The following HNF1B variants were observed in gnomAD, a reference collection of about 807,000 sequenced individuals.
HNF1B encodes HNF1 homeobox B.
In HNF1B, 8 loss-of-function variants were observed where a neutral mutation model predicts 61.7. The ratio of observed to expected loss-of-function variants is 0.13; its 90% confidence interval spans 0.08 to 0.23. HNF1B has a LOEUF of 0.23. Ranked by LOEUF, HNF1B falls within the 10% of genes least tolerant of loss-of-function variation. The probability of loss-of-function intolerance (pLI) is 1.00; values close to 1 mark genes in which losing one functional copy is unlikely to be tolerated. For synonymous variants in HNF1B, 314 were observed against 287.7 expected (o/e 1.09, Z -0.93); for missense variants, 562 against 714.5 (o/e 0.79, Z 2.43).
At chr17:37,741,301 TAA>T (rs1228711973) in intron 1 of HNF1B, among the ~76,000 whole-genome samples, 2 of 152,230 alleles carry the variant, frequency 1.3e-5, no homozygotes, top group East Asian at 1.9e-4. Flanking sequence ...ATTATTTTAT[TAA>T]GACTTTGATA....
chr17:37,716,252 C>T (rs1201845428), intron 4 of HNF1B, among the ~76,000 whole-genome samples: 2 of 152,172 alleles, frequency 1.3e-5, no homozygotes, highest in Non-Finnish European at 2.9e-5. Context: ...GTCTGGAGTA[C>T]AGTGGCGTAA....
Position 37,707,686 on chromosome 17 carries a change from G to A in HNF1B, c.1207-2637C>T, listed in dbSNP as rs114384800. On this transcript the variant is annotated intron_variant, in intron 5 of 8. Coordinates refer to ENST00000617811, the MANE Select transcript of HNF1B (RefSeq NM_000458.4). ...TGGGGTTGAAAGCAGGCTATCTACC[G>A]CCACAGCCTGAGCTTTTCACCATTA... 3.9e-3 allele frequency among the ~76,000 whole-genome samples: 599 copies of A among 152,162 alleles called. 3 individuals are homozygous for A. The highest frequency in any genetic ancestry group is 0.014 in the African/African-American group (569 of 41,524).
At chr17:37,718,131 AT>A (rs532309763) in intron 4 of HNF1B, among the ~76,000 whole-genome samples, 84 of 152,308 alleles carry the variant, frequency 5.5e-4, no homozygotes, top group African/African-American at 1.8e-3. Flanking sequence ...TAAAAAAAAA[AT>A]CAAAGCAAAT....
chr17:37,730,417 G>A (rs138959872), intron 4 of HNF1B: 2 of 152,528 alleles, frequency 1.3e-5, no homozygotes, highest in Non-Finnish European at 2.9e-5. Context: ...CTCTGTGGGA[G>A]TGGGACCTAC....
At chr17:37,704,092 C>T (rs2032660010) in intron 6 of HNF1B, among the ~76,000 whole-genome samples, 1 of 152,210 alleles carries the variant, frequency 6.6e-6, no homozygotes, top group Non-Finnish European at 1.5e-5. Context: ...TTTTGAGAAA[C>T]AACGACACCT....
At chr17:37,738,435 A>G (rs1361541363) in intron 2 of HNF1B, among the ~76,000 whole-genome samples, 1 of 152,244 alleles carries the variant, frequency 6.6e-6, no homozygotes, top group East Asian at 1.9e-4. Context: ...AAAAAGCAAC[A>G]GGGAAAAAAC....
intron 1 of HNF1B, 49 bp downstream of exon 1, chr17:37,744,492 G>A (rs777572793): frequency 1.3e-6 from 2 of 1,577,212 alleles, no homozygotes; most frequent in East Asian, 2.2e-5. Context: ...GCCCGGGGCC[G>A]GGGCTCCAGG....
chr17:37,731,904 C>T, intron 3 of HNF1B, 74 bp from the exon 4 acceptor site: 2 of 965,866 alleles, frequency 2.1e-6, no homozygotes, highest in Non-Finnish European at 3.3e-6. Context: ...CAAAAACACA[C>T]AATCACAGCA....
chr17:37,725,153 T>G (rs1012342641), intron 4 of HNF1B, among the ~76,000 whole-genome samples: 1 of 152,192 alleles, frequency 6.6e-6, no homozygotes, highest in Non-Finnish European at 1.5e-5. Flanking sequence ...CATCAAACCT[T>G]CAACAGTTTC....
At chr17:37,696,870 C>A (rs2032403166) in intron 8 of HNF1B, among the ~76,000 whole-genome samples, 1 of 152,224 alleles carries the variant, frequency 6.6e-6, no homozygotes, top group African/African-American at 2.4e-5. Flanking sequence ...CTTCTGCTGT[C>A]AGGAGGCAGC....
intron 4 of HNF1B, among the ~76,000 whole-genome samples, chr17:37,715,131 T>C (rs891981747): frequency 8.5e-5 from 13 of 152,142 alleles, no homozygotes; most frequent in African/African-American, 3.1e-4. Context: ...TCCTGGGAGA[T>C]GGCTGCTCCT....
Position 37,727,987 on chromosome 17 carries a change from T to G in HNF1B, c.1045+3608A>C, listed in dbSNP as rs532294133. ...TTGGGCTCTCCTCAGCAACATGGAG[T>G]TTTTTTTGTTGTTTTTTTTTTAAGA... On this transcript the variant is annotated intron_variant, in intron 4 of 8. Coordinates refer to ENST00000617811, the MANE Select transcript of HNF1B (RefSeq NM_000458.4). 1.2e-3 allele frequency among the ~76,000 whole-genome samples: 181 copies of G among 151,126 alleles called. 1 individual carries two copies. The highest frequency in any genetic ancestry group is 4.1e-3 in the African/African-American group (170 of 41,168).
At chr17:37,724,397 C>T (rs564469212) in intron 4 of HNF1B, among the ~76,000 whole-genome samples, 1 of 152,258 alleles carries the variant, frequency 6.6e-6, no homozygotes, top group South Asian at 2.1e-4. Context: ...CAGGGTGCAG[C>T]TTGGATACTG....
intron 6 of HNF1B, among the ~76,000 whole-genome samples, chr17:37,704,114 G>A (rs1402152418): frequency 3.3e-5 from 5 of 152,224 alleles, no homozygotes; most frequent in Non-Finnish European, 7.3e-5. Flanking sequence ...AGCTGTCATA[G>A]TGAAGCTGGA....
intron 1 of HNF1B, among the ~76,000 whole-genome samples, chr17:37,741,226 T>C (rs908982204): frequency 1.3e-5 from 2 of 152,206 alleles, no homozygotes; most frequent in African/African-American, 2.4e-5. Flanking sequence ...CAAATAAAAT[T>C]AATTCTGTTT....
intron 4 of HNF1B, among the ~76,000 whole-genome samples, chr17:37,726,167 T>C (rs1386726356): frequency 6.6e-6 from 1 of 152,150 alleles, no homozygotes; most frequent in African/African-American, 2.4e-5. Flanking sequence ...TCTTTCTCTC[T>C]CTCTCTCTCT....
At chr17:37,724,941 T>C (rs1438974326) in intron 4 of HNF1B, among the ~76,000 whole-genome samples, 2 of 148,480 alleles carry the variant, frequency 1.3e-5, no homozygotes, top group African/African-American at 5.0e-5. Flanking sequence ...TGTGTGTATA[T>C]ATATATAATA....
chr17:37,710,200 T>C (rs954489611), intron 5 of HNF1B, among the ~76,000 whole-genome samples: 4 of 152,186 alleles, frequency 2.6e-5, no homozygotes, highest in African/African-American at 9.7e-5. Flanking sequence ...TCAACACAAA[T>C]GTCATTGGCA....
In HNF1B at chr17:37,705,018, A is replaced by T. The variant is rs2032695688; in HGVS notation, c.1238T>A (p.Val413Asp). 1 of 1,614,106 alleles carries T rather than the reference A, an allele frequency of 6.2e-7. No homozygotes were observed. Among genetic ancestry groups the T allele is most frequent in the African/African-American group, 1.3e-5 (1 of 75,024 alleles). Residue 413 changes from valine to aspartate, a missense_variant, in exon 6 of 9, where the codon GTC (valine) becomes GAC (aspartate). By Grantham distance (152) the Val-to-Asp change is radical (BLOSUM62 -3). This residue lies in a region of HNF1B where 211 missense variants were observed against 200.7 expected (regional missense o/e 1.05). Coordinates refer to ENST00000617811, the MANE Select transcript of HNF1B (RefSeq NM_000458.4). The part of the protein sequence containing the change: ...ISVSGGGLPP[V>D]STLTNIHSLS... Reference sequence around the variant, plus strand: ...GCTGTGGATATTCGTCAAGGTGCTGACTGGGGGCAAACCTCCTCCTGAGAC... The same window carrying T: ...GCTGTGGATATTCGTCAAGGTGCTGTCTGGGGGCAAACCTCCTCCTGAGAC...
Sources: allele counts gnomAD v4.1 joint callset (sites outside exome capture counted in the v4.1 genomes callset), GRCh38; gene constraint gnomAD v4.1.1; regional missense constraint gnomAD v4.1.1; transcripts MANE v1.5; gene names NCBI Gene and HGNC (gene_info 2026-07-23, HGNC 2026-07-21).